SIN3A: variants seen among roughly 807,000 people sequenced by gnomAD.
SIN3A encodes the protein SIN3 transcription regulator family member A, also known as paired amphipathic helix protein Sin3a.
In SIN3A, 14 loss-of-function variants were observed where a neutral mutation model predicts 146.1. The observed-to-expected ratio is 0.10, with a 90% CI of 0.06 to 0.15. The LOEUF (loss-of-function observed/expected upper bound fraction) is 0.15, where lower values mean the gene tolerates loss of function less well. Among genes scored for constraint, SIN3A ranks in the 10% least tolerant of loss-of-function variants. The pLI is 1.00. For missense variants in SIN3A, 1,028 were observed against 1,576.0 expected (o/e 0.65, Z 5.89); for synonymous variants, 572 against 572.0 (o/e 1.00, Z 0.00).
At position 75,411,552 on chromosome 15, in the gene SIN3A, G is replaced by C. The variant is rs778972815; in HGVS notation, c.948C>G (p.Asn316Lys). The change falls in exon 6 of 21, where the codon AAC becomes AAG. Residue 316 changes from asparagine to lysine, a missense_variant. This residue lies in a region of SIN3A where 14 missense variants were observed against 54.4 expected (regional missense o/e 0.26). Coordinates refer to ENST00000394947, the MANE Select transcript of SIN3A (RefSeq NM_001145358.2). ...HAINYVNKIK[N>K]RFQGQPDIYK... is the part of the protein sequence containing the mutation. Reference sequence around the variant, plus strand: ...AGATGTCTGGTTGGCCCTGAAATCTGTTCTTGATCTTATTAACATAGTTGA... The same window carrying C: ...AGATGTCTGGTTGGCCCTGAAATCTCTTCTTGATCTTATTAACATAGTTGA... 6.2e-7 allele frequency: 1 copy of C among 1,614,142 alleles called. No homozygotes were observed. Among genetic ancestry groups the C allele is most frequent in the Non-Finnish European group, 8.5e-7 (1 of 1,180,020 alleles).
intron 9 of SIN3A, among the ~76,000 whole-genome samples, chr15:75,403,156 C>T (rs999165940): frequency 2.0e-5 from 3 of 151,950 alleles, no homozygotes; most frequent in African/African-American, 7.2e-5. Context: ...GGCGCAGTGG[C>T]TCACGCCTGT....
intron 9 of SIN3A, 65 bp from the exon 10 acceptor site, chr15:75,402,035 C>T (rs1416049240): frequency 2.8e-4 from 287 of 1,015,342 alleles, no homozygotes; most frequent in Non-Finnish European, 4.9e-5. Context: ...TGAAAAGGGC[C>T]TCGCTCTGTC....
At chr15:75,416,050 T>A (rs2073729315) in intron 3 of SIN3A, 1 of 288,714 alleles carries the variant, frequency 3.5e-6, no homozygotes, top group African/African-American at 2.2e-5. Context: ...ACTGTGTACT[T>A]CTGGTGACTG....
intron 20 of SIN3A, among the ~76,000 whole-genome samples, chr15:75,372,794 T>C (rs1160689614): frequency 1.6e-5 from 2 of 124,956 alleles, no homozygotes; most frequent in African/African-American, 6.3e-5. Context: ...CACCCCAGCC[T>C]AGATGACAGA....
chr15:75,394,569 A>T (rs1232889345), intron 14 of SIN3A, 111 bp downstream of exon 14: 1 of 777,774 alleles, frequency 1.3e-6, no homozygotes, highest in Admixed American at 2.7e-5. Flanking sequence ...AGCAAGAATC[A>T]ACAGGTCTTA....
chr15:75,440,389 A>G (rs2074186672), intron 1 of SIN3A, among the ~76,000 whole-genome samples: 1 of 151,332 alleles, frequency 6.6e-6, no homozygotes, highest in Admixed American at 6.6e-5. Flanking sequence ...GTGCCACTAC[A>G]CCTGGCTAAT....
Position 75,422,731 on chromosome 15 carries a change from G to A in SIN3A, c.282C>T (p.His94=), listed in dbSNP as rs74802927. The A allele has an allele frequency of 3.8e-5, 62 of 1,614,206 alleles. No individual in the cohort carries two copies. Among genetic ancestry groups the A allele is most frequent in the South Asian group, 2.2e-4 (20 of 91,088 alleles). ...CATGACTCTGGACCACCTGGCCTCC[G>A]TGGGGCTGCACCGCTGTTGGGTGAT... The part of the protein sequence containing the change: ...SHHHPTAVQP[H]GGQVVQSHAH... Residue 94 remains histidine, a synonymous_variant, in exon 3 of 21, where the codon CAC becomes CAT. Coordinates refer to ENST00000394947, the MANE Select transcript of SIN3A (RefSeq NM_001145358.2).
At chr15:75,439,879 G>T (rs1027244068) in intron 1 of SIN3A, among the ~76,000 whole-genome samples, 5 of 151,872 alleles carry the variant, frequency 3.3e-5, no homozygotes, top group African/African-American at 7.3e-5. Context: ...CGCCAAGTGT[G>T]GTGGCTCACG....
At chr15:75,387,870 T>C (rs1416056166) in intron 16 of SIN3A, among the ~76,000 whole-genome samples, 2 of 152,174 alleles carry the variant, frequency 1.3e-5, no homozygotes, top group Non-Finnish European at 2.9e-5. Context: ...GGTGACTATG[T>C]ATCCATCTAA....
At position 75,400,144 on chromosome 15, in the gene SIN3A, T is replaced by C; in HGVS notation, c.1750A>G (p.Thr584Ala). ...GACCACGAAGGGAAGGAAACCCAGG[T>C]ATCATTTAAAACCTTTGGGTAGAAG... ...TPLCKEVLND[T>A]WVSFPSWSED... The change falls in exon 12 of 21, where the codon ACC becomes GCC. Residue 584 changes from threonine (T) to alanine (A), a missense_variant. Transcript: ENST00000394947. The C allele has an allele frequency of 6.3e-7, 1 of 1,598,260 alleles. No homozygotes were observed.
chr15:75,418,943 G>A (rs568805354), intron 3 of SIN3A, among the ~76,000 whole-genome samples: 1 of 151,826 alleles, frequency 6.6e-6, no homozygotes, highest in South Asian at 2.1e-4. Flanking sequence ...ATTTTTAGTA[G>A]AGACGGGATT....
At chr15:75,391,842 A>C (rs1365852626) in intron 15 of SIN3A, among the ~76,000 whole-genome samples, 2 of 152,240 alleles carry the variant, frequency 1.3e-5, no homozygotes, top group Non-Finnish European at 2.9e-5. Flanking sequence ...CCTGCTCAAA[A>C]ATATGAGAAA....
chr15:75,402,739 A>G (rs1459054010), intron 9 of SIN3A, among the ~76,000 whole-genome samples: 1 of 151,982 alleles, frequency 6.6e-6, no homozygotes, highest in Non-Finnish European at 1.5e-5. Context: ...GGTTCAAGCA[A>G]TTCTCCTGCC....
chr15:75,450,865 G>T (rs1196814459), intron 1 of SIN3A, among the ~76,000 whole-genome samples: 4 of 152,204 alleles, frequency 2.6e-5, no homozygotes, highest in Admixed American at 6.5e-5. Flanking sequence ...GCGGAAACCC[G>T]GGGCCTGGGC....
chr15:75,438,137 G>GA (rs2074137966), intron 1 of SIN3A, among the ~76,000 whole-genome samples: 1 of 152,170 alleles, frequency 6.6e-6, no homozygotes, highest in Non-Finnish European at 1.5e-5. Flanking sequence ...GAGGCAGGCG[G>GA]ATCACTTGAG....
chr15:75,435,698 C>CA (rs59093415), intron 1 of SIN3A, among the ~76,000 whole-genome samples: 4,254 of 56,898 alleles, frequency 0.075, 224 homozygotes, highest in African/African-American at 0.2. Context: ...AACTACGTCT[C>CA]AAAAAAAAAA....
intron 10 of SIN3A, among the ~76,000 whole-genome samples, chr15:75,401,587 G>T (rs930303088): frequency 6.6e-6 from 1 of 152,082 alleles, no homozygotes; most frequent in Non-Finnish European, 1.5e-5. Flanking sequence ...CTCTGGGAGA[G>T]ATTTTTCTTG....
intron 6 of SIN3A, 132 bp from the exon 7 acceptor site, chr15:75,410,418 TCTGA>T (rs2073611171): frequency 1.2e-6 from 1 of 805,628 alleles, no homozygotes; most frequent in Non-Finnish European, 1.9e-6. Context: ...TAGCACCCGT[TCTGA>T]CCACAGACTT....
At chr15:75,387,076 G>A (rs2073098320) in intron 16 of SIN3A, among the ~76,000 whole-genome samples, 1 of 152,154 alleles carries the variant, frequency 6.6e-6, no homozygotes, top group Non-Finnish European at 1.5e-5. Flanking sequence ...CAAAGTGCTG[G>A]TATTAGAGGC....
Sources: gnomAD v4.1 joint callset for allele counts (sites outside exome capture counted in the v4.1 genomes callset) on GRCh38, gnomAD v4.1.1 for gene constraint, gnomAD v4.1.1 regional missense constraint, MANE v1.5 for transcripts, NCBI Gene and HGNC (gene_info 2026-07-23, HGNC 2026-07-21) for gene names.